RECQL5: variants seen among roughly 807,000 people sequenced by gnomAD.
The protein encoded by RECQL5 is RecQ like helicase 5.
A neutral mutation model predicts 103.4 loss-of-function variants in RECQL5; 88 were observed. The ratio of observed to expected loss-of-function variants is 0.85; its 90% confidence interval spans 0.72 to 1.02. The LOEUF is 1.02. Among genes scored for constraint, RECQL5 ranks in the 50% least tolerant of loss-of-function variants. The pLI is 0.00. For synonymous variants in RECQL5, 552 were observed against 507.9 expected (o/e 1.09, Z -1.17); for missense variants, 1,232 against 1,284.3 (o/e 0.96, Z 0.62).
At chr17:75,628,787 A>C (rs1375367521) in intron 16 of RECQL5, 25 bp from the exon 17 acceptor site, 1 of 1,605,062 alleles carries the variant, frequency 6.2e-7, no homozygotes, top group African/African-American at 1.3e-5. Flanking sequence ...AGCAGGCATC[A>C]CAGCACTGGG....
Position 75,627,718 on chromosome 17 carries a change from CAGAG to C in RECQL5, c.2806-30_2806-27del, listed in dbSNP as rs376539887. 1.9e-3 allele frequency: 2,959 copies of C among 1,585,632 alleles called. 48 individuals carry two copies. In the African/African-American group the frequency reaches 0.034, roughly 18 times the overall value. The stretch of plus-strand genomic sequence containing the variant: ...CTGGAAGGGAGAGGGAGAAGAGAAG[CAGAG>C]AGCAGGACCCTTGGTGGCCGGGCGC... On this transcript the variant is annotated intron_variant, in intron 18 of 19. Coordinates refer to ENST00000317905, the MANE Select transcript of RECQL5 (RefSeq NM_004259.7).
Position 75,631,632 on chromosome 17 carries a change from A to G in RECQL5, c.1266T>C (p.Asp422=), listed in dbSNP as rs1460597893. 3.1e-6 allele frequency: 5 copies of G among 1,611,942 alleles called. No homozygotes were observed. The East Asian group carries it at 1.1e-4, about 36-fold the overall frequency. The change falls in exon 9 of 20, where the codon GAT becomes GAC. Residue 422 remains aspartate (D), a synonymous_variant. Coordinates refer to ENST00000317905, the MANE Select transcript of RECQL5 (RefSeq NM_004259.7). ...AGCCTTTGGCGCAGGCAGGCAGCGCATCCCCGAAGTACTTGGCAATGGCGG... is the reference window on the plus strand; with the variant it reads ...AGCCTTTGGCGCAGGCAGGCAGCGCGTCCCCGAAGTACTTGGCAATGGCGG... ...RHAAIAKYFG[D]ALPACAKGCD... is the part of the protein sequence containing the mutation.
chr17:75,631,817 C>A, intron 8 of RECQL5, 149 bp from the exon 9 acceptor site: 1 of 790,674 alleles, frequency 1.3e-6, no homozygotes, highest in Non-Finnish European at 2.0e-6. Context: ...CCAAGCTGCA[C>A]CAGGCATCGT....
chr17:75,630,926 A>G (rs746862006), intron 11 of RECQL5, 48 bp downstream of exon 11: 108 of 1,604,074 alleles, frequency 6.7e-5, no homozygotes, highest in Non-Finnish European at 9.1e-5. Flanking sequence ...TCCTCCCTCC[A>G]TGCCCCGGGA....
intron 7 of RECQL5, 134 bp from the exon 8 acceptor site, chr17:75,651,399 A>C: frequency 1.0e-6 from 1 of 989,350 alleles, no homozygotes; most frequent in South Asian, 1.4e-5. Flanking sequence ...AGCCAGGAGG[A>C]TCATTTGAGG....
At chr17:75,628,042 G>A (rs1285230160) in intron 18 of RECQL5, among the ~76,000 whole-genome samples, 176 bp downstream of exon 18, 1 of 149,708 alleles carries the variant, frequency 6.7e-6, no homozygotes, top group Non-Finnish European at 1.5e-5. Flanking sequence ...ACCCTGCCCT[G>A]ACCCCCAGAG....
intron 16 of RECQL5, 45 bp from the exon 17 acceptor site, chr17:75,628,807 C>T: frequency 5.6e-6 from 9 of 1,604,698 alleles, no homozygotes; most frequent in Non-Finnish European, 7.6e-6. Context: ...GTCCTGGTGG[C>T]TCCCTCATCC....
At chr17:75,629,597 G>T (rs1568256313) in intron 15 of RECQL5, 111 bp downstream of exon 15, 70 of 1,509,466 alleles carry the variant, frequency 4.6e-5, no homozygotes, top group Non-Finnish European at 5.7e-5. Context: ...GAAGAGGCAG[G>T]CAGGACCCTG....
chr17:75,666,681 T>C (rs919976037), intron 1 of RECQL5, 110 bp from the exon 2 acceptor site: 2 of 1,046,880 alleles, frequency 1.9e-6, no homozygotes, highest in Non-Finnish European at 2.7e-6. Flanking sequence ...TACACTTAAA[T>C]AATGTATTAT....
chr17:75,639,104 C>T (rs2059383500), intron 8 of RECQL5: 1 of 152,346 alleles, frequency 6.6e-6, no homozygotes, highest in Non-Finnish European at 1.5e-5. Flanking sequence ...CGTTCGATGA[C>T]CTTCACGGTG....
Position 75,629,966 on chromosome 17 carries a change from A to G in RECQL5, c.1813-124T>C, listed in dbSNP as rs574510852. On this transcript the variant is annotated intron_variant, in intron 14 of 19. Coordinates refer to ENST00000317905, the MANE Select transcript of RECQL5 (RefSeq NM_004259.7). ...TGTGGCCAGTGGCCACAGGCAACTG[A>G]CCACTGGGCAAGTTTTAGGCCTCCC... is the stretch of plus-strand genomic sequence containing the variant. 8.3e-6 allele frequency: 11 copies of G among 1,329,854 alleles called. 1 individual carries two copies. The African/African-American group carries it at 1.2e-4, about 14-fold the overall frequency. 82.4% of individuals were successfully genotyped at this position (1,329,854 alleles called of 1,614,324 possible). A position where few individuals can be genotyped will look rare whatever the true frequency, so the allele number is the denominator to read the frequency against.
At chr17:75,639,553 C>G (rs1329483153) in intron 8 of RECQL5, 1 of 152,400 alleles carries the variant, frequency 6.6e-6, no homozygotes, top group Non-Finnish European at 1.5e-5. Context: ...CCTCCTGACC[C>G]CCTCCCAACA....
chr17:75,662,370 G>C, intron 4 of RECQL5, 109 bp downstream of exon 4: 1 of 1,192,826 alleles, frequency 8.4e-7, no homozygotes, highest in Non-Finnish European at 1.2e-6. Flanking sequence ...GTTTTAGGAA[G>C]CCTGGCTGAG....
At chr17:75,664,969 C>G in intron 3 of RECQL5, 82 bp downstream of exon 3, 1 of 1,451,556 alleles carries the variant, frequency 6.9e-7, no homozygotes, top group Non-Finnish European at 9.0e-7. Context: ...GGCAAAAGAC[C>G]AATAGAGAAG....
At chr17:75,634,458 G>A (rs910154262) in intron 8 of RECQL5, among the ~76,000 whole-genome samples, 2 of 152,248 alleles carry the variant, frequency 1.3e-5, no homozygotes, top group African/African-American at 2.4e-5. Flanking sequence ...CAGCAGAGGG[G>A]CCCCGAGGGC....
chr17:75,628,533 CCT>C, intron 17 of RECQL5, 91 bp from the exon 18 acceptor site: 1 of 1,530,476 alleles, frequency 6.5e-7, no homozygotes, highest in East Asian at 2.3e-5. Flanking sequence ...GCACCAGCTG[CCT>C]CTCTCCAGCC....
intron 8 of RECQL5, chr17:75,650,475 G>A: frequency 2.2e-6 from 3 of 1,384,942 alleles, no homozygotes; most frequent in Non-Finnish European, 1.9e-6. Context: ...AGTCTACCAT[G>A]AGCTTCGTGA....
intron 1 of RECQL5, 153 bp downstream of exon 1, chr17:75,666,891 G>A: frequency 3.6e-6 from 1 of 277,054 alleles, no homozygotes; most frequent in Non-Finnish European, 6.9e-6. Context: ...GTTTTCCTAA[G>A]ATCCACCACC....
intron 8 of RECQL5, chr17:75,635,876 GC>G (rs1197853058): frequency 1.0e-6 from 1 of 985,290 alleles, no homozygotes; most frequent in East Asian, 1.1e-4. Flanking sequence ...TGGAGTATCA[GC>G]TCTGCGAGGA....
Sources: allele counts gnomAD v4.1 joint callset (sites outside exome capture counted in the v4.1 genomes callset), GRCh38; gene constraint gnomAD v4.1.1; transcripts MANE v1.5; gene names NCBI Gene and HGNC (gene_info 2026-07-23, HGNC 2026-07-21).